Variants in PPRC1 observed in about 807,000 individuals in gnomAD.
PPRC1 encodes PPARG related coactivator 1, also known as peroxisome proliferator-activated receptor gamma coactivator-related protein 1.
A neutral mutation model predicts 132.5 loss-of-function variants in PPRC1; 23 were observed. The ratio of observed to expected loss-of-function variants is 0.17; its 90% CI spans 0.12 to 0.25. PPRC1 has a LOEUF of 0.25. Among genes scored for constraint, PPRC1 ranks in the 10% least tolerant of loss-of-function variants. The pLI, the probability that PPRC1 is intolerant of heterozygous loss-of-function variation, is 1.00. For synonymous variants in PPRC1, 872 were observed against 833.5 expected (o/e 1.05, Z -0.80); for missense variants, 2,006 against 2,089.1 (o/e 0.96, Z 0.78).
the PPRC1 span, among the ~76,000 whole-genome samples, chr10:102,126,085 T>C: frequency 6.6e-6 from 1 of 152,036 alleles, no homozygotes; most frequent in African/African-American, 2.4e-5. Flanking sequence ...TCATCTCGAA[T>C]TCCTGACCTC....
intron 1 of PPRC1, among the ~76,000 whole-genome samples, chr10:102,135,872 G>A (rs2068703963): frequency 6.6e-6 from 1 of 152,182 alleles, no homozygotes; most frequent in African/African-American, 2.4e-5. Flanking sequence ...GCTGATGGCT[G>A]GCTTACTTTC....
Position 102,140,549 on chromosome 10 carries a change from G to A in PPRC1, c.2041G>A (p.Val681Ile), listed in dbSNP as rs2068918705. The change falls in exon 5 of 14, where the codon GTT becomes ATT. Residue 681 changes from valine to isoleucine, a missense_variant. Physicochemically the swap from Val to Ile is conservative, Grantham distance 29. Coordinates refer to ENST00000278070, the MANE Select transcript of PPRC1 (RefSeq NM_015062.5). ...CCCTGTTCCTAATGACCTGACTCCAGTTGACCCAGTGCTAGTTAAGTCCAG... is the reference window on the plus strand; with the variant it reads ...CCCTGTTCCTAATGACCTGACTCCAATTGACCCAGTGCTAGTTAAGTCCAG... ...VDPVPNDLTP[V>I]DPVLVKSRPT... 6.2e-7 allele frequency: 1 copy of A among 1,613,982 alleles called. No individual in the cohort carries two copies. The highest frequency in any genetic ancestry group is 1.3e-5 in the African/African-American group (1 of 74,878).
intron 6 of PPRC1, among the ~76,000 whole-genome samples, chr10:102,144,032 C>G (rs997891602): frequency 6.6e-6 from 1 of 152,204 alleles, no homozygotes; most frequent in Non-Finnish European, 1.5e-5. Flanking sequence ...ATCTCAGATT[C>G]AGTGGAGGAA....
the PPRC1 span, among the ~76,000 whole-genome samples, chr10:102,123,607 A>C: frequency 6.6e-6 from 1 of 152,076 alleles, no homozygotes; most frequent in South Asian, 2.1e-4. Flanking sequence ...AGCTCACTGC[A>C]ACCTCCACCT....
Position 102,144,448 on chromosome 10 carries a change from C to A in PPRC1, c.3608+141C>A. 5 of 765,874 alleles carry A rather than the reference C, an allele frequency of 6.5e-6. No individual in the cohort carries two copies. In the Admixed American group the frequency reaches 1.2e-4, roughly 18 times the overall value. 47.4% of individuals were successfully genotyped at this position (765,874 alleles called of 1,614,324 possible). A position where few individuals can be genotyped will look rare whatever the true frequency, so the allele number is the denominator to read the frequency against. On this transcript the variant is annotated intron_variant, in intron 7 of 13. Coordinates refer to ENST00000278070, the MANE Select transcript of PPRC1 (RefSeq NM_015062.5). Reference sequence around the variant, plus strand: ...TCTTTCCCTGTTTCCCCACCCCTTACTCTGCCTATCACTACCGGGCAGTGT... The same window carrying A: ...TCTTTCCCTGTTTCCCCACCCCTTAATCTGCCTATCACTACCGGGCAGTGT...
intron 1 of PPRC1, among the ~76,000 whole-genome samples, chr10:102,135,955 G>A (rs1008374688): frequency 2.0e-5 from 3 of 152,154 alleles, no homozygotes; most frequent in Non-Finnish European, 4.4e-5. Context: ...TGATGGGTGA[G>A]GTCAGGTGTG....
the PPRC1 span, among the ~76,000 whole-genome samples, chr10:102,124,460 T>C: frequency 6.0e-5 from 9 of 149,540 alleles, no homozygotes; most frequent in Non-Finnish European, 1.2e-4. Context: ...GCCTCCCGGG[T>C]TGAAGTGATT....
upstream of PPRC1, among the ~76,000 whole-genome samples, chr10:102,129,657 G>T (rs60486974): frequency 1.3e-5 from 2 of 152,118 alleles, no homozygotes; most frequent in Admixed American, 6.5e-5. Flanking sequence ...AGGCTGGAGT[G>T]CAGCAGCGTG....
At chr10:102,128,905 T>A (rs528231388), upstream of PPRC1, among the ~76,000 whole-genome samples, 204 of 143,024 alleles carry the variant, frequency 1.4e-3, no homozygotes, top group African/African-American at 5.2e-3. Flanking sequence ...TGAGCCACCA[T>A]GCCCGGCCAG....
chr10:102,128,727 G>C (rs1206947951), upstream of PPRC1, among the ~76,000 whole-genome samples: 1 of 146,974 alleles, frequency 6.8e-6, no homozygotes, highest in Middle Eastern at 3.6e-3. Context: ...CCATTCTCCT[G>C]CCTCAGCCTC....
At position 102,140,438 on chromosome 10, in the gene PPRC1, C is replaced by T. The variant is rs376392272; in HGVS notation, c.1930C>T (p.Pro644Ser). Residue 644 changes from proline (P) to serine (S), a missense_variant, in exon 5 of 14, where the codon CCT becomes TCT. Physicochemically the swap from Pro to Ser is moderately conservative, Grantham distance 74 (BLOSUM62 -1). This residue lies in a region of PPRC1 where 1,914 missense variants were observed against 1,917.2 expected (regional missense o/e 1.00). Coordinates refer to ENST00000278070, the MANE Select transcript of PPRC1 (RefSeq NM_015062.5). ...CCTGGCTGACTCAGCAGCAGTTGAC[C>T]CTGCAGTGGTTCCCATCTCAGATAA... ...PVLADSAAVD[P>S]AVVPISDNLP... The T allele has an allele frequency of 3.7e-6, 6 of 1,614,046 alleles. No homozygotes were observed. The highest frequency in any genetic ancestry group is 5.1e-6 in the Non-Finnish European group (6 of 1,180,042).
rs1018949118 is a variant in PPRC1 at position 102,148,178 on chromosome 10, G to C, written c.4401-194G>C. ...TTCCAAAACACTTCACAACATTCCAGGTACACCTAAAGTTCCATGAAGGGC... is the reference window on the plus strand; with the variant it reads ...TTCCAAAACACTTCACAACATTCCACGTACACCTAAAGTTCCATGAAGGGC... On this transcript the variant is annotated intron_variant, in intron 9 of 13. Transcript: ENST00000278070. The surrounding 1 kb of genome is among the most constrained non-coding windows in gnomAD (Gnocchi z 4.2). Among the ~76,000 whole-genome samples the C allele has an allele frequency of 1.3e-5, 2 of 152,118 alleles. No homozygotes were observed. The highest frequency in any genetic ancestry group is 6.5e-5 in the Admixed American group (1 of 15,276).
chr10:102,128,674 G>A (rs1307753008), upstream of PPRC1, among the ~76,000 whole-genome samples: 2 of 149,738 alleles, frequency 1.3e-5, no homozygotes, highest in Non-Finnish European at 3.0e-5. Flanking sequence ...GTGCAGTGGT[G>A]CAATCTCGGC....
At chr10:102,130,989 G>A (rs1328911008), upstream of PPRC1, among the ~76,000 whole-genome samples, 4 of 151,862 alleles carry the variant, frequency 2.6e-5, no homozygotes, top group African/African-American at 9.7e-5. Flanking sequence ...TCAAGAGATC[G>A]AGACCGTCCT....
In PPRC1 at chr10:102,141,894, T is replaced by G. The variant is rs1245700591; in HGVS notation, c.3386T>G (p.Val1129Gly). 1 of 1,614,100 alleles carries G rather than the reference T, an allele frequency of 6.2e-7. No individual in the cohort carries two copies. The highest frequency in any genetic ancestry group is 8.5e-7 in the Non-Finnish European group (1 of 1,180,014). The change falls in exon 5 of 14, where the codon GTC becomes GGC. Residue 1129 changes from valine to glycine, a missense_variant. By Grantham distance (109) the Val-to-Gly change is moderately radical (BLOSUM62 -3). Around this residue, in one of 2 missense-constraint regions of PPRC1, gnomAD observed 1,914 missense variants for 1,917.2 expected, o/e 1.00. Coordinates refer to ENST00000278070, the MANE Select transcript of PPRC1 (RefSeq NM_015062.5). ...KAVPTPRQST[V>G]PKLPAVHPAR... ...GTTCCCACACCAAGGCAGAGCACTGTCCCCAAGCTGCCTGCTGTCCACCCA... is the reference window on the plus strand; with the variant it reads ...GTTCCCACACCAAGGCAGAGCACTGGCCCCAAGCTGCCTGCTGTCCACCCA...
chr10:102,122,894 C>T, the PPRC1 span, among the ~76,000 whole-genome samples: 1 of 152,202 alleles, frequency 6.6e-6, no homozygotes, highest in Non-Finnish European at 1.5e-5. Flanking sequence ...TCATGAGGAC[C>T]TTTGGAAGAA....
chr10:102,146,950 C>T lies in PPRC1; in HGVS notation c.3958C>T (p.Arg1320Ter). The change falls in exon 9 of 14, where the codon CGA becomes TGA. Residue 1320 changes from arginine (R) to a stop codon, truncating the protein, a stop_gained. Transcript: ENST00000278070. LOFTEE classifies it high-confidence loss of function. Reference sequence around the variant, plus strand: ...CCTAGTCATTCCAGAGGTGGGCTCCCGATGGAATGTCAAGCGCCATCAGGA... The same window carrying T: ...CCTAGTCATTCCAGAGGTGGGCTCCTGATGGAATGTCAAGCGCCATCAGGA... ...PALVIPEVGS[R>*]WNVKRHQDIT... The T allele has an allele frequency of 6.2e-7, 1 of 1,614,116 alleles. No homozygotes were observed. Among genetic ancestry groups the T allele is most frequent in the Non-Finnish European group, 8.5e-7 (1 of 1,180,016 alleles).
chr10:102,119,994 G>GC, the PPRC1 span: 18 of 1,004,424 alleles, frequency 1.8e-5, no homozygotes, highest in South Asian at 7.5e-5. Context: ...TGCCATCGAC[G>GC]CCCCCCACAC....
At chr10:102,144,495 G>T in intron 7 of PPRC1, 188 bp downstream of exon 7, 1 of 615,376 alleles carries the variant, frequency 1.6e-6, no homozygotes, top group Non-Finnish European at 2.8e-6. Context: ...AGGTGAGAAC[G>T]GGGCATGTTC....
Sources: gnomAD v4.1 joint callset for allele counts (sites outside exome capture counted in the v4.1 genomes callset) on GRCh38, gnomAD v4.1.1 for gene constraint, gnomAD v4.1.1 regional missense constraint, Gnocchi (gnomAD v3.1) non-coding constraint, MANE v1.5 for transcripts, NCBI Gene and HGNC (gene_info 2026-07-23, HGNC 2026-07-21) for gene names.